BCL2: variants seen among roughly 807,000 people sequenced by gnomAD.
BCL2 encodes the protein BCL2 apoptosis regulator.
In BCL2, 1 loss-of-function variant was observed where a neutral mutation model predicts 14.2. That is an observed-to-expected ratio of 0.07 (90% CI 0.02 to 0.33). BCL2 has a LOEUF of 0.33. Ranked by LOEUF, BCL2 falls within the 10% of genes least tolerant of loss-of-function variation. The pLI, the probability that BCL2 is intolerant of heterozygous loss-of-function variation, is 0.99. For missense variants in BCL2, 247 were observed against 305.9 expected (o/e 0.81, Z 1.44); for synonymous variants, 151 against 137.2 (o/e 1.10, Z -0.70).
At chr18:63,156,128 G>C (rs1914775681) in intron 2 of BCL2, among the ~76,000 whole-genome samples, 1 of 148,170 alleles carries the variant, frequency 6.7e-6, no homozygotes, top group Non-Finnish European at 1.5e-5. Flanking sequence ...CATCAGACGG[G>C]CTGGCAGGGG....
intron 2 of BCL2, among the ~76,000 whole-genome samples, chr18:63,221,133 G>T (rs1910381033): frequency 6.6e-6 from 1 of 152,156 alleles, no homozygotes; most frequent in Non-Finnish European, 1.5e-5. Flanking sequence ...TCCACTAACT[G>T]GCCACGTGTC....
chr18:63,222,338 A>C (rs1232245722), intron 2 of BCL2, among the ~76,000 whole-genome samples: 1 of 151,854 alleles, frequency 6.6e-6, no homozygotes, highest in African/African-American at 2.4e-5. Flanking sequence ...AGAAAAGGAA[A>C]AATATCTGAG....
chr18:63,132,913 T>G (rs1195519734), intron 2 of BCL2, among the ~76,000 whole-genome samples: 4 of 152,224 alleles, frequency 2.6e-5, no homozygotes, highest in African/African-American at 9.6e-5. Flanking sequence ...TTTAGGAAGC[T>G]CTGTGTCCCT....
At chr18:63,209,502 G>A (rs1909938914) in intron 2 of BCL2, among the ~76,000 whole-genome samples, 4 of 152,146 alleles carry the variant, frequency 2.6e-5, no homozygotes, top group African/African-American at 7.2e-5. Flanking sequence ...TCTCCTAACT[G>A]GCAATGCTAG....
intron 2 of BCL2, among the ~76,000 whole-genome samples, chr18:63,261,448 AGATCTCT>A (rs1911656546): frequency 6.6e-6 from 1 of 152,220 alleles, no homozygotes; most frequent in African/African-American, 2.4e-5. Flanking sequence ...AGCAAGAAAT[AGATCTCT>A]GACCCAAAGT....
At chr18:63,130,300 G>A (rs1432750047) in intron 2 of BCL2, among the ~76,000 whole-genome samples, 2 of 152,162 alleles carry the variant, frequency 1.3e-5, no homozygotes, top group Non-Finnish European at 2.9e-5. Flanking sequence ...TTTATTACAG[G>A]AAACAGTAAC....
chr18:63,291,249 C>T (rs187437508), intron 2 of BCL2, among the ~76,000 whole-genome samples: 159 of 152,278 alleles, frequency 1.0e-3, no homozygotes, highest in African/African-American at 3.4e-3. Context: ...ATGCTTGAGG[C>T]GCATATGATT....
intron 2 of BCL2, among the ~76,000 whole-genome samples, chr18:63,309,546 C>A (rs117269413): frequency 6.6e-6 from 1 of 152,206 alleles, no homozygotes; most frequent in Non-Finnish European, 1.5e-5. Context: ...TGATTCTACA[C>A]GTGCAGTGTG....
At chr18:63,250,619 A>T (rs1911283529) in intron 2 of BCL2, among the ~76,000 whole-genome samples, 1 of 152,222 alleles carries the variant, frequency 6.6e-6, no homozygotes, top group Non-Finnish European at 1.5e-5. Flanking sequence ...GATAAACTCT[A>T]GGAGTACCCT....
chr18:63,151,685 T>C (rs1914655482), intron 2 of BCL2, among the ~76,000 whole-genome samples: 2 of 152,182 alleles, frequency 1.3e-5, no homozygotes, highest in East Asian at 1.9e-4. Flanking sequence ...CAATTTCTCA[T>C]AGTTCTCAGT....
At chr18:63,220,051 A>G (rs1910343407) in intron 2 of BCL2, among the ~76,000 whole-genome samples, 1 of 152,218 alleles carries the variant, frequency 6.6e-6, no homozygotes, top group Non-Finnish European at 1.5e-5. Context: ...TCAAATCTAC[A>G]ATCTAGTTTA....
chr18:63,267,616 T>C (rs1426788451), intron 2 of BCL2, among the ~76,000 whole-genome samples: 2 of 152,164 alleles, frequency 1.3e-5, no homozygotes. Flanking sequence ...GGTTGAAACA[T>C]CTTATAGGTG....
At chr18:63,255,624 A>G (rs1911449411) in intron 2 of BCL2, among the ~76,000 whole-genome samples, 5 of 152,128 alleles carry the variant, frequency 3.3e-5, no homozygotes. Flanking sequence ...TTTGCAATTG[A>G]CCTGCTGACT....
At chr18:63,145,520 C>T (rs960446571) in intron 2 of BCL2, among the ~76,000 whole-genome samples, 2 of 152,240 alleles carry the variant, frequency 1.3e-5, no homozygotes, top group Non-Finnish European at 2.9e-5. Context: ...TCTCTACTCA[C>T]ATTTAAAAAA....
intron 2 of BCL2, among the ~76,000 whole-genome samples, chr18:63,267,504 C>A (rs1269020129): frequency 6.6e-6 from 1 of 152,130 alleles, no homozygotes; most frequent in Non-Finnish European, 1.5e-5. Context: ...GTTTTGACCT[C>A]ATCAGTTTGG....
intron 2 of BCL2, among the ~76,000 whole-genome samples, chr18:63,267,187 G>T (rs1222359523): frequency 6.6e-6 from 1 of 152,168 alleles, no homozygotes; most frequent in Non-Finnish European, 1.5e-5. Flanking sequence ...TTTCTCTGGG[G>T]GTGCTCAGCA....
chr18:63,225,105 G>A (rs1910508954), intron 2 of BCL2, among the ~76,000 whole-genome samples: 1 of 152,058 alleles, frequency 6.6e-6, no homozygotes, highest in African/African-American at 2.4e-5. Flanking sequence ...AAGGTACTGT[G>A]AGCCTATGGA....
intron 2 of BCL2, among the ~76,000 whole-genome samples, chr18:63,150,046 A>C (rs1197644353): frequency 6.6e-6 from 1 of 151,868 alleles, no homozygotes; most frequent in Non-Finnish European, 1.5e-5. Flanking sequence ...ATGCCTGGCT[A>C]ATTTTTGTAG....
chr18:63,262,845 A>T (rs966418112), intron 2 of BCL2, among the ~76,000 whole-genome samples: 32 of 152,220 alleles, frequency 2.1e-4, no homozygotes, highest in African/African-American at 6.8e-4. Flanking sequence ...TTACATCAAC[A>T]AGGAATATAA....
Sources: allele counts gnomAD v4.1 joint callset (sites outside exome capture counted in the v4.1 genomes callset), GRCh38; gene constraint gnomAD v4.1.1; transcripts MANE v1.5; gene names NCBI Gene and HGNC (gene_info 2026-07-23, HGNC 2026-07-21).